BRSK2: variants seen among roughly 807,000 people sequenced by gnomAD.
BRSK2 encodes the protein BR serine/threonine kinase 2.
Under a neutral mutation model 83.3 loss-of-function variants are expected in BRSK2, and 19 were observed. The ratio of observed to expected loss-of-function variants is 0.23; its 90% CI spans 0.16 to 0.33. The LOEUF is 0.33. Among genes scored for constraint, BRSK2 ranks in the 10% least tolerant of loss-of-function variants. BRSK2 has a pLI of 1.00. For missense variants in BRSK2, 798 were observed against 1,042.3 expected, an observed-to-expected ratio of 0.77 and a Z score of 3.23; for synonymous variants, 519 against 435.4, an observed-to-expected ratio of 1.19 and a Z score of -2.39.
intron 12 of BRSK2, chr11:1,447,686 C>T (rs771276677): frequency 5.4e-5 from 50 of 929,252 alleles, no homozygotes; most frequent in African/African-American, 8.2e-5. Flanking sequence ...CTTTGTGCAG[C>T]GGCCTCAGAG....
In BRSK2 at chr11:1,436,138, G is replaced by C. The variant is rs773536135; in HGVS notation, c.186+4G>C. Reference sequence around the variant, plus strand: ...CAGCGAGTCGGTGCTGATGAAGGTGGGTGGGGCCGGGGAGGGAGGCGGGGC... The same window carrying C: ...CAGCGAGTCGGTGCTGATGAAGGTGCGTGGGGCCGGGGAGGGAGGCGGGGC... On this transcript the variant is annotated splice_donor_region_variant and intron_variant, in intron 2 of 19. Coordinates refer to ENST00000528841, the MANE Select transcript of BRSK2 (RefSeq NM_001256627.2). 3 of 1,404,570 alleles carry C rather than the reference G, an allele frequency of 2.1e-6. No homozygotes were observed. The South Asian group carries it at 4.1e-5, about 19-fold the overall frequency. The allele number at this position is 1,404,570 out of a possible 1,614,324, so 87.0% of individuals were successfully genotyped here. A position where few individuals can be genotyped will look rare whatever the true frequency, so the allele number is the denominator to read the frequency against.
At chr11:1,436,779 C>T (rs944212256) in intron 2 of BRSK2, among the ~76,000 whole-genome samples, 20 of 152,128 alleles carry the variant, frequency 1.3e-4, no homozygotes, top group African/African-American at 2.9e-4. Context: ...TGGGGCCAGT[C>T]GAGCCCCCTC....
Position 1,443,392 on chromosome 11 carries a change from G to A in BRSK2, c.622G>A (p.Ala208Thr), listed in dbSNP as rs1187879162. ...GTGGAGCTGCGGCGTCATCCTGTTC[G>A]CCTTGCTGGTGGTGAGACCCTGGCC... ...DVWSCGVILFALLVGALPFDD... is the reference protein window; with the variant it reads ...DVWSCGVILFTLLVGALPFDD... The change falls in exon 7 of 20, where the codon GCC becomes ACC. Residue 208 changes from alanine to threonine, a missense_variant. Around this residue, in one of 6 missense-constraint regions of BRSK2, gnomAD observed 109 missense variants for 259.2 expected, o/e 0.42. Coordinates refer to ENST00000528841, the MANE Select transcript of BRSK2 (RefSeq NM_001256627.2). The A allele has an allele frequency of 1.9e-6, 3 of 1,604,836 alleles. No individual in the cohort carries two copies. Among genetic ancestry groups the A allele is most frequent in the South Asian group, 1.1e-5 (1 of 89,650 alleles).
chr11:1,448,902 C>T (rs557412945), intron 12 of BRSK2, among the ~76,000 whole-genome samples: 3 of 152,226 alleles, frequency 2.0e-5, no homozygotes, highest in Non-Finnish European at 4.4e-5. Flanking sequence ...TGTGGACTAG[C>T]GAGGCCCCTC....
intron 4 of BRSK2, 99 bp downstream of exon 4, chr11:1,441,027 G>A: frequency 9.6e-7 from 1 of 1,037,384 alleles, no homozygotes; most frequent in Non-Finnish European, 1.4e-6. Context: ...CACCCCCTAT[G>A]GTGCTATTCC....
At chr11:1,414,679 C>T (rs574515707) in intron 1 of BRSK2, among the ~76,000 whole-genome samples, 11 of 152,318 alleles carry the variant, frequency 7.2e-5, no homozygotes, top group African/African-American at 1.4e-4. Flanking sequence ...CACGGTGCTA[C>T]GCGGCCACCA....
chr11:1,455,666 A>G (rs1294956563), intron 16 of BRSK2, among the ~76,000 whole-genome samples: 1 of 151,952 alleles, frequency 6.6e-6, no homozygotes, highest in Admixed American at 6.6e-5. Context: ...CCGTCCCCAC[A>G]GGCTGCTCAC....
intron 1 of BRSK2, among the ~76,000 whole-genome samples, chr11:1,399,505 G>C (rs529087241): frequency 2.6e-5 from 4 of 152,296 alleles, no homozygotes; most frequent in East Asian, 1.9e-4. Context: ...CTCTGCTGGG[G>C]ACAATGAGAG....
Position 1,460,731 on chromosome 11 carries a change from A to ACCC in BRSK2, c.*8_*9insCCC. 1 of 1,337,588 alleles carries ACCC rather than the reference A, an allele frequency of 7.5e-7. No homozygotes were observed. Among genetic ancestry groups the ACCC allele is most frequent in the Non-Finnish European group, 9.6e-7 (1 of 1,040,244 alleles). The allele number at this position is 1,337,588 out of a possible 1,614,324, so 82.9% of individuals were successfully genotyped here. ...CGCCGCGAGCAGCCTTAGACACACTAGCCCCCCCCCCCAGCACAGCACTGA... is the reference window on the plus strand; with the variant it reads ...CGCCGCGAGCAGCCTTAGACACACTACCCGCCCCCCCCCCCAGCACAGCACTGA... On this transcript the variant is annotated 3_prime_UTR_variant, in exon 20 of 20. Coordinates refer to ENST00000528841, the MANE Select transcript of BRSK2 (RefSeq NM_001256627.2).
chr11:1,426,483 G>A (rs538273640), intron 1 of BRSK2, among the ~76,000 whole-genome samples: 3 of 152,292 alleles, frequency 2.0e-5, no homozygotes, highest in African/African-American at 7.2e-5. Context: ...GCCCTTGGGG[G>A]TGCCCAGTCC....
At chr11:1,404,384 G>C (rs1225812704) in intron 1 of BRSK2, among the ~76,000 whole-genome samples, 1 of 152,164 alleles carries the variant, frequency 6.6e-6, no homozygotes, top group Non-Finnish European at 1.5e-5. Context: ...CATCGTCCCA[G>C]CCAGCCCTCC....
Position 1,449,756 on chromosome 11 carries a change from C to T in BRSK2, c.1227-20C>T, listed in dbSNP as rs749904517. ...ACTGCCCCCTGGCTGAGCAGTGGCC[C>T]TGTACCTTGTGACCTCCAGGTCTCG... On this transcript the variant is annotated intron_variant, in intron 12 of 19. Coordinates refer to ENST00000528841, the MANE Select transcript of BRSK2 (RefSeq NM_001256627.2). 4 of 1,610,428 alleles carry T rather than the reference C, an allele frequency of 2.5e-6. No individual in the cohort carries two copies. The highest frequency in any genetic ancestry group is 3.3e-5 in the Admixed American group (2 of 59,852).
At chr11:1,451,109 C>G (rs1438454490) in intron 14 of BRSK2, among the ~76,000 whole-genome samples, 2 of 152,238 alleles carry the variant, frequency 1.3e-5, no homozygotes, top group Admixed American at 1.3e-4. Context: ...TGTGGGGCAC[C>G]AAGGGCCAGC....
intron 9 of BRSK2, 134 bp downstream of exon 9, chr11:1,445,136 T>TGGGTGCG (rs1486133622): frequency 2.2e-5 from 32 of 1,482,438 alleles, no homozygotes; most frequent in African/African-American, 1.2e-4. Flanking sequence ...TGGCCTGCGC[T>TGGGTGCG]GGGTGCGGGG....
rs560194913 is a variant in BRSK2 at position 1,460,272 on chromosome 11, C to T, written c.1988-228C>T. On this transcript the variant is annotated intron_variant, in intron 19 of 19. Coordinates refer to ENST00000528841, the MANE Select transcript of BRSK2 (RefSeq NM_001256627.2). The stretch of plus-strand genomic sequence containing the variant: ...AGCTTCCCCACCGCACAGCCCCCAG[C>T]GTACAGGGCCCCTGCCGGCCGCCGC... 9.2e-5 allele frequency among the ~76,000 whole-genome samples: 14 copies of T among 152,232 alleles called. No individual in the cohort carries two copies. The South Asian group carries it at 2.7e-3, about 29-fold the overall frequency.
At chr11:1,439,091 C>T (rs1850771796) in intron 3 of BRSK2, among the ~76,000 whole-genome samples, 1 of 152,186 alleles carries the variant, frequency 6.6e-6, no homozygotes, top group East Asian at 1.9e-4. Context: ...TCGCTGGTCC[C>T]AGGGCGGCGG....
chr11:1,392,732 C>T (rs767355445), intron 1 of BRSK2, among the ~76,000 whole-genome samples: 29 of 152,354 alleles, frequency 1.9e-4, no homozygotes, highest in Middle Eastern at 6.8e-3. Context: ...CCGCAGGGTC[C>T]GGTCGGCTGT....
rs180926353 is a variant in BRSK2, at chr11:1,414,622, C to T, written c.92-21418C>T. ...GAATTTTTTTAATTAAAATGAAATT[C>T]ACATAATATAAAATTAACCATACAA... On this transcript the variant is annotated intron_variant, in intron 1 of 19. Transcript: ENST00000528841. 5.1e-3 allele frequency among the ~76,000 whole-genome samples: 782 copies of T among 152,238 alleles called. 36 individuals carry two copies. The highest frequency in any genetic ancestry group is 0.046 in the Admixed American group (704 of 15,300).
chr11:1,401,028 AG>A (rs1367599254), intron 1 of BRSK2, among the ~76,000 whole-genome samples: 1 of 152,146 alleles, frequency 6.6e-6, no homozygotes, highest in Non-Finnish European at 1.5e-5. Flanking sequence ...AGGCCACATG[AG>A]TGTCAGGACA....
Sources: allele counts gnomAD v4.1 joint callset (sites outside exome capture counted in the v4.1 genomes callset), GRCh38; gene constraint gnomAD v4.1.1; regional missense constraint gnomAD v4.1.1; transcripts MANE v1.5; gene names NCBI Gene and HGNC (gene_info 2026-07-23, HGNC 2026-07-21).